The following ARHGEF1 variants were observed in gnomAD, a reference collection of about 807,000 sequenced individuals.
The protein encoded by ARHGEF1 is 115 kDa guanine nucleotide exchange factor.
A neutral mutation model predicts 119.7 loss-of-function variants in ARHGEF1; 40 were observed. That is an observed-to-expected ratio of 0.33 (90% confidence interval 0.26 to 0.44). The LOEUF (loss-of-function observed/expected upper bound fraction) is 0.44, where lower values mean the gene tolerates loss of function less well. Ranked by LOEUF, ARHGEF1 falls within the 20% of genes least tolerant of loss-of-function variation. The pLI, the probability that ARHGEF1 is intolerant of heterozygous loss-of-function variation, is 1.00. For synonymous variants in ARHGEF1, 494 were observed against 521.0 expected, an observed-to-expected ratio of 0.95 and a Z score of 0.71; for missense variants, 976 against 1,268.3, an observed-to-expected ratio of 0.77 and a Z score of 3.50.
At chr19:41,901,131 G>T (rs977584972) in intron 14 of ARHGEF1, among the ~76,000 whole-genome samples, 1 of 146,200 alleles carries the variant, frequency 6.8e-6, no homozygotes, top group Non-Finnish European at 1.5e-5. Context: ...CACCCGGAGA[G>T]TTTTTTTTTT....
At chr19:41,896,848 C>T (rs1290862763) in intron 13 of ARHGEF1, 134 of 319,438 alleles carry the variant, frequency 4.2e-4, no homozygotes, top group African/African-American at 1.8e-3. Flanking sequence ...TCACCTCCCC[C>T]CTCCTCTCTC....
Position 41,892,458 on chromosome 19 carries a change from A to G in ARHGEF1, c.367+85A>G, listed in dbSNP as rs2074392523. 2 of 1,598,298 alleles carry G rather than the reference A, an allele frequency of 1.3e-6. No homozygotes were observed. The highest frequency in any genetic ancestry group is 1.7e-5 in the Admixed American group (1 of 59,778). On this transcript the variant is annotated intron_variant, in intron 6 of 28. Coordinates refer to ENST00000354532, the MANE Select transcript of ARHGEF1 (RefSeq NM_004706.4). This position sits in a 1 kb window ranked among gnomAD's most constrained non-coding sequence, Gnocchi z 6.3. ...CCAAGGGGAGGGAGGCCGCACTCCC[A>G]TGCTCTGCTCGGACAGCCGAGATTC...
chr19:41,897,888 C>T (rs1328651989), intron 13 of ARHGEF1: 12 of 1,274,558 alleles, frequency 9.4e-6, no homozygotes, highest in South Asian at 2.9e-5. Context: ...TTGTCTTGGT[C>T]TCTCCTTGTC....
chr19:41,893,168 C>T, intron 7 of ARHGEF1, 106 bp from the exon 8 acceptor site: 1 of 1,477,752 alleles, frequency 6.8e-7, no homozygotes. Flanking sequence ...CTCTCTGTCT[C>T]TCTTCCCCCT....
chr19:41,888,325 C>A lies in ARHGEF1; in HGVS notation c.111+47C>A. On this transcript the variant is annotated intron_variant, in intron 3 of 28. Coordinates refer to ENST00000354532, the MANE Select transcript of ARHGEF1 (RefSeq NM_004706.4). The surrounding 1 kb of genome is among the most constrained non-coding windows in gnomAD (Gnocchi z 5.1). The stretch of plus-strand genomic sequence containing the variant: ...AAAGCTCTGTCCCAGGCTCAGTGTC[C>A]CGCCCCAGGTCCCCTCCCACCTGCA... The A allele has an allele frequency of 6.3e-7, 1 of 1,583,968 alleles. No homozygotes were observed. The highest frequency in any genetic ancestry group is 8.6e-7 in the Non-Finnish European group (1 of 1,157,820).
downstream of ARHGEF1, chr19:41,908,208 A>G (rs2074729195): frequency 8.1e-7 from 1 of 1,231,572 alleles, no homozygotes; most frequent in Non-Finnish European, 1.0e-6. The surrounding 1 kb of genome is among the most constrained non-coding windows in gnomAD (Gnocchi z 6.7). Context: ...CCTCAGCAGA[A>G]TCCATTGCCC....
At chr19:41,911,718 C>T (rs1333278774), downstream of ARHGEF1, among the ~76,000 whole-genome samples, 2 of 152,092 alleles carry the variant, frequency 1.3e-5, no homozygotes, top group Non-Finnish European at 2.9e-5. Flanking sequence ...ACTGGGGAGG[C>T]AACTGTATCA....
chr19:41,919,103 T>C (rs60909166), upstream of ARHGEF1, among the ~76,000 whole-genome samples: 40,228 of 149,316 alleles, frequency 0.27, 11,454 homozygotes, highest in African/African-American at 0.72. Flanking sequence ...ATGCCACACA[T>C]AACACACATA....
intron 13 of ARHGEF1, 30 bp downstream of exon 13, chr19:41,896,512 G>T (rs1555847671): frequency 6.6e-7 from 1 of 1,506,972 alleles, no homozygotes; most frequent in Non-Finnish European, 8.9e-7. Context: ...GGGGCGGGAG[G>T]TGTGGCTTAC....
intron 1 of ARHGEF1, among the ~76,000 whole-genome samples, chr19:41,886,453 A>G (rs2074295221): frequency 6.6e-6 from 1 of 151,848 alleles, no homozygotes; most frequent in South Asian, 2.1e-4. Flanking sequence ...GTCCGTGGTC[A>G]TGTTTCATAG....
At chr19:41,884,634 T>TACA in intron 1 of ARHGEF1, 3 of 1,191,012 alleles carry the variant, frequency 2.5e-6, no homozygotes, top group Non-Finnish European at 3.6e-6. Context: ...GATTTGGGTC[T>TACA]CGTGTAGACC....
rs531791342 is a variant in ARHGEF1 at position 41,903,452 on chromosome 19, G to C, written c.1839+45G>C. ...ACACCCGGGACAGTGGATGGTGTGA[G>C]AGCAGGGGGTGGACCCTACCTCAGC... On this transcript the variant is annotated intron_variant, in intron 19 of 28. Transcript: ENST00000354532. This position sits in a 1 kb window ranked among gnomAD's most constrained non-coding sequence, Gnocchi z 4.2. The C allele has an allele frequency of 8.9e-6, 14 of 1,579,286 alleles. No homozygotes were observed. The South Asian group carries it at 1.4e-4, about 16-fold the overall frequency.
chr19:41,895,403 A>G lies in ARHGEF1; in HGVS notation c.932A>G (p.Asp311Gly), dbSNP rs1555847358. The change falls in exon 12 of 29, where the codon GAC (aspartate) becomes GGC (glycine). Residue 311 changes from aspartate to glycine, a missense_variant. Asp to Gly is a moderately conservative substitution (Grantham distance 94). This residue lies in a region of ARHGEF1 where 519 missense variants were observed against 580.9 expected (regional missense o/e 0.89). Coordinates refer to ENST00000354532, the MANE Select transcript of ARHGEF1 (RefSeq NM_004706.4). ...RKGGVGMPSR[D>G]RNIGAPGQDT... The stretch of plus-strand genomic sequence containing the variant: ...GGAGGCGTGGGGATGCCCTCTCGGG[A>G]CCGGAATATCGGGGCTCCTGGGCAG... 6.2e-7 allele frequency: 1 copy of G among 1,612,324 alleles called. No homozygotes were observed. Among genetic ancestry groups the G allele is most frequent in the Admixed American group, 1.7e-5 (1 of 59,954 alleles).
chr19:41,895,620 C>T, intron 12 of ARHGEF1, 134 bp downstream of exon 12: 1 of 973,342 alleles, frequency 1.0e-6, no homozygotes, highest in Non-Finnish European at 1.5e-6. Context: ...TCCACTTCTC[C>T]CTGCTCCTGG....
chr19:41,904,277 G>T lies in ARHGEF1; in HGVS notation c.2055G>T (p.Leu685=). The change falls in exon 22 of 29, where the codon CTG becomes CTT. Residue 685 remains leucine (L), a synonymous_variant. Coordinates refer to ENST00000354532, the MANE Select transcript of ARHGEF1 (RefSeq NM_004706.4). The surrounding 1 kb of genome is among the most constrained non-coding windows in gnomAD (Gnocchi z 8.4). The part of the protein sequence containing the change: ...LLLLQRQDER[L]LLKSHSRTLT... ...TGCTCCAGCGCCAGGACGAGCGGCT[G>T]CTGCTCAAGTCCCATAGCCGGACAC... is the stretch of plus-strand genomic sequence containing the variant. 6.2e-7 allele frequency: 1 copy of T among 1,612,712 alleles called. No individual in the cohort carries two copies. The highest frequency in any genetic ancestry group is 8.5e-7 in the Non-Finnish European group (1 of 1,179,772).
chr19:41,909,242 G>C, downstream of ARHGEF1: 2 of 1,231,442 alleles, frequency 1.6e-6, no homozygotes, highest in Non-Finnish European at 2.0e-6. The surrounding 1 kb of genome is among the most constrained non-coding windows in gnomAD (Gnocchi z 5.2). Flanking sequence ...GGCACCAAGT[G>C]CCTCGGTTCC....
Position 41,892,904 on chromosome 19 carries a change from G to C in ARHGEF1, c.614+55G>C. The C allele has an allele frequency of 6.9e-7, 1 of 1,444,746 alleles. No individual in the cohort carries two copies. Among genetic ancestry groups the C allele is most frequent in the South Asian group, 1.4e-5 (1 of 71,706 alleles). 89.5% of individuals were successfully genotyped at this position (1,444,746 alleles called of 1,614,324 possible). ...GCCCCTCCCCAGCACAAGGGCACCC[G>C]TGCTACCTCTGGCATGTTCCATCCC... On this transcript the variant is annotated intron_variant, in intron 7 of 28. Transcript: ENST00000354532. This position sits in a 1 kb window ranked among gnomAD's most constrained non-coding sequence, Gnocchi z 6.3.
chr19:41,917,386 T>C lies in ARHGEF1; in HGVS notation c.1866-5706T>C, dbSNP rs888271293. 7.2e-5 allele frequency among the ~76,000 whole-genome samples: 11 copies of C among 151,896 alleles called. No individual in the cohort carries two copies. The highest frequency in any genetic ancestry group is 2.4e-4 in the African/African-American group (10 of 41,314). ...CCCCCTGGGCTGGGGTTTAACCAGTTGTTTTGATTTCTCTAAGCTGCGCCG... is the reference window on the plus strand; with the variant it reads ...CCCCCTGGGCTGGGGTTTAACCAGTCGTTTTGATTTCTCTAAGCTGCGCCG... On this transcript the variant is annotated intron_variant, in intron 18 of 20. Coordinates refer to the ARHGEF1 transcript ENST00000599589. The surrounding 1 kb of genome is among the most constrained non-coding windows in gnomAD (Gnocchi z 4.8).
intron 18 of ARHGEF1, chr19:41,912,845 C>T: frequency 2.5e-6 from 3 of 1,200,616 alleles, no homozygotes; most frequent in Non-Finnish European, 2.1e-6. Context: ...GAGGTCCGGG[C>T]CAGTTACCGG....
Sources: gnomAD v4.1 joint callset for allele counts (sites outside exome capture counted in the v4.1 genomes callset) on GRCh38, gnomAD v4.1.1 for gene constraint, gnomAD v4.1.1 regional missense constraint, Gnocchi (gnomAD v3.1) non-coding constraint, MANE v1.5 for transcripts, NCBI Gene and HGNC (gene_info 2026-07-23, HGNC 2026-07-21) for gene names.